Variants in UHRF2 observed in about 807,000 individuals in gnomAD.
UHRF2 encodes the protein E3 ubiquitin-protein ligase UHRF2.
Under a neutral mutation model 96.8 loss-of-function variants are expected in UHRF2, and 23 were observed. That is an observed-to-expected ratio of 0.24 (90% CI 0.17 to 0.34). The LOEUF (loss-of-function observed/expected upper bound fraction) is 0.34, where lower values mean the gene tolerates loss of function less well. Among genes scored for constraint, UHRF2 ranks in the 10% least tolerant of loss-of-function variants. The pLI is 1.00. For synonymous variants in UHRF2, 385 were observed against 332.6 expected (o/e 1.16, Z -1.72); for missense variants, 685 against 981.5 (o/e 0.70, Z 4.04).
chr9:6,484,810 T>TTTTTTA (rs1824166940), intron 8 of UHRF2: 1 of 142,028 alleles, frequency 7.0e-6, no homozygotes, highest in Non-Finnish European at 1.5e-5. Flanking sequence ...TTTTTTTTTT[T>TTTTTTA]GAGACGGAGT....
At chr9:6,417,783 C>G (rs1047059172) in intron 1 of UHRF2, among the ~76,000 whole-genome samples, 1 of 152,090 alleles carries the variant, frequency 6.6e-6, no homozygotes, top group African/African-American at 2.4e-5. Context: ...GGTGCTCTTA[C>G]GACATTTTTT....
At chr9:6,458,654 G>T (rs952467226) in intron 3 of UHRF2, among the ~76,000 whole-genome samples, 4 of 152,256 alleles carry the variant, frequency 2.6e-5, no homozygotes, top group African/African-American at 9.6e-5. Flanking sequence ...CATTGTGGAA[G>T]ACAATTCCTC....
At chr9:6,459,411 G>A (rs2130843234) in intron 3 of UHRF2, among the ~76,000 whole-genome samples, 1 of 152,284 alleles carries the variant, frequency 6.6e-6, no homozygotes, top group East Asian at 1.9e-4. Context: ...GCTCATGCCT[G>A]TAATCCCAGC....
At chr9:6,457,282 G>A (rs1425995846) in intron 3 of UHRF2, among the ~76,000 whole-genome samples, 4 of 152,114 alleles carry the variant, frequency 2.6e-5, no homozygotes, top group Admixed American at 2.0e-4. Flanking sequence ...GTGAATGGGA[G>A]TTCACTCATG....
At chr9:6,482,698 G>A (rs1196285590) in intron 8 of UHRF2, among the ~76,000 whole-genome samples, 2 of 150,730 alleles carry the variant, frequency 1.3e-5, no homozygotes, top group Admixed American at 6.6e-5. Context: ...GTGGGTTCAC[G>A]CCATTCTCCT....
At chr9:6,457,814 T>G (rs962554249) in intron 3 of UHRF2, among the ~76,000 whole-genome samples, 2 of 152,244 alleles carry the variant, frequency 1.3e-5, no homozygotes, top group Non-Finnish European at 2.9e-5. Flanking sequence ...TGTTTATTGA[T>G]TTGCATATGT....
chr9:6,417,381 A>C (rs1231999019), intron 1 of UHRF2, among the ~76,000 whole-genome samples: 1 of 152,164 alleles, frequency 6.6e-6, no homozygotes, highest in South Asian at 2.1e-4. Context: ...TGATGGACCT[A>C]AGTTACATGC....
chr9:6,479,274 G>A (rs1017170494), intron 6 of UHRF2, among the ~76,000 whole-genome samples: 9 of 151,990 alleles, frequency 5.9e-5, no homozygotes, highest in South Asian at 2.1e-4. Context: ...CTTATGTCAG[G>A]TTCACAGACA....
chr9:6,471,583 C>T (rs907898200), intron 4 of UHRF2, among the ~76,000 whole-genome samples: 2 of 152,150 alleles, frequency 1.3e-5, no homozygotes, highest in African/African-American at 4.8e-5. Context: ...ATGAGGCTAT[C>T]CAGGCAGCTT....
chr9:6,426,997 C>T (rs1820299558), intron 2 of UHRF2, among the ~76,000 whole-genome samples: 1 of 63,876 alleles, frequency 1.6e-5, no homozygotes, highest in South Asian at 7.3e-4. Context: ...GATCACCTGC[C>T]TCGGCCTCCC....
At chr9:6,458,434 A>C (rs1461100597) in intron 3 of UHRF2, among the ~76,000 whole-genome samples, 9 of 150,828 alleles carry the variant, frequency 6.0e-5, no homozygotes, top group South Asian at 4.2e-4. Flanking sequence ...CTTTTCAAAA[A>C]ACCAGCTCCT....
At chr9:6,430,797 C>G (rs929050378) in intron 2 of UHRF2, among the ~76,000 whole-genome samples, 2 of 152,202 alleles carry the variant, frequency 1.3e-5, no homozygotes, top group Admixed American at 1.3e-4. Flanking sequence ...TTCCCCTGTT[C>G]CCTCTGCCTC....
chr9:6,482,678 G>A (rs909178056), intron 8 of UHRF2, among the ~76,000 whole-genome samples: 3 of 150,078 alleles, frequency 2.0e-5, no homozygotes, highest in African/African-American at 7.4e-5. Context: ...CTCACTGCAA[G>A]CTCTGCCTCG....
At chr9:6,468,480 G>T (rs957515704) in intron 4 of UHRF2, 1 of 456,100 alleles carries the variant, frequency 2.2e-6, no homozygotes, top group Non-Finnish European at 4.4e-6. Flanking sequence ...CTCTGGAGAG[G>T]TAAGAATCTC....
intron 3 of UHRF2, among the ~76,000 whole-genome samples, chr9:6,459,189 A>G (rs1822368801): frequency 6.6e-6 from 1 of 152,252 alleles, no homozygotes; most frequent in Non-Finnish European, 1.5e-5. Context: ...CACTTTCTGC[A>G]CAGGTATCCA....
intron 10 of UHRF2, chr9:6,495,639 A>G (rs1271483480): frequency 6.6e-6 from 1 of 152,202 alleles, no homozygotes; most frequent in Non-Finnish European, 1.5e-5. Context: ...GCCATCTTTT[A>G]TCAGGGCAGT....
chr9:6,500,554 G>C lies in UHRF2; in HGVS notation c.2008G>C (p.Asp670His), dbSNP rs1451825050. 1.2e-6 allele frequency: 2 copies of C among 1,606,706 alleles called. No individual in the cohort carries two copies. Among genetic ancestry groups the C allele is most frequent in the Non-Finnish European group, 1.7e-6 (2 of 1,178,056 alleles). Residue 670 changes from aspartate to histidine, a missense_variant and splice_region_variant, in exon 14 of 16, where the codon GAC becomes CAC. Physicochemically the swap from Asp to His is moderately conservative, Grantham distance 81. Coordinates refer to ENST00000276893, the MANE Select transcript of UHRF2 (RefSeq NM_152896.3). ...ATACATTTTTAAAATAAATCTAGATGACTGTCCAAGTGCCTCCAAAGTGTA... is the reference window on the plus strand; with the variant it reads ...ATACATTTTTAAAATAAATCTAGATCACTGTCCAAGTGCCTCCAAAGTGTA... ...GTTKRPISDDDCPSASKVYKA... is the reference protein window; with the variant it reads ...GTTKRPISDDHCPSASKVYKA...
In UHRF2 at chr9:6,461,957, G is replaced by C. The variant is rs140919014; in HGVS notation, c.863+1166G>C. Among the ~76,000 whole-genome samples the C allele has an allele frequency of 7.9e-5, 12 of 151,454 alleles. No homozygotes were observed. The East Asian group carries it at 2.3e-3, about 29-fold the overall frequency. On this transcript the variant is annotated intron_variant, in intron 4 of 15. Transcript: ENST00000276893. Reference sequence around the variant, plus strand: ...TAAATTGTTAGATTTGTTTTATTGAGTGCCGAGGGTTTTAGAATAACCCTG... The same window carrying C: ...TAAATTGTTAGATTTGTTTTATTGACTGCCGAGGGTTTTAGAATAACCCTG...
intron 3 of UHRF2, among the ~76,000 whole-genome samples, chr9:6,443,450 G>A (rs1821300997): frequency 1.3e-5 from 2 of 152,192 alleles, no homozygotes; most frequent in Admixed American, 6.5e-5. Flanking sequence ...AAAAGCGCAT[G>A]CTTGCAACTA....
Sources: gnomAD v4.1 joint callset for allele counts (sites outside exome capture counted in the v4.1 genomes callset) on GRCh38, gnomAD v4.1.1 for gene constraint, MANE v1.5 for transcripts, NCBI Gene and HGNC (gene_info 2026-07-23, HGNC 2026-07-21) for gene names.